ARHGEF2: variants seen among roughly 807,000 people sequenced by gnomAD.
The protein encoded by ARHGEF2 is Rho/Rac guanine nucleotide exchange factor 2.
ARHGEF2 carries 22 observed loss-of-function variants against 121.0 expected under a neutral mutation model. The ratio of observed to expected loss-of-function variants is 0.18; its 90% confidence interval spans 0.13 to 0.26. ARHGEF2 has a LOEUF of 0.26. ARHGEF2 is among the 10% of genes least tolerant of loss of function. ARHGEF2 has a pLI of 1.00. For missense variants in ARHGEF2, 907 were observed against 1,336.0 expected (o/e 0.68, Z 5.01); for synonymous variants, 487 against 530.0 (o/e 0.92, Z 1.11).
chr1:155,956,887 C>CAAAA (rs34831517), intron 13 of ARHGEF2, among the ~76,000 whole-genome samples: 8 of 80,372 alleles, frequency 1.0e-4, no homozygotes, highest in African/African-American at 1.5e-4. Flanking sequence ...ACTCTGTCTC[C>CAAAA]AAAAAAAAAA....
upstream of ARHGEF2, chr1:155,978,913 C>G (rs1052376707): frequency 1.0e-6 from 1 of 986,030 alleles, no homozygotes; most frequent in Non-Finnish European, 1.2e-6. This position sits in a 1 kb window ranked among gnomAD's most constrained non-coding sequence, Gnocchi z 4.1. Flanking sequence ...ACTGCGTTAC[C>G]TCAGTCTTTA....
rs201512774 is a variant in ARHGEF2, at chr1:155,949,742, C to T, written c.2887+557G>A. On this transcript the variant is annotated intron_variant, in intron 21 of 21. Coordinates refer to ENST00000361247, the MANE Select transcript of ARHGEF2 (RefSeq NM_001162383.2). Reference sequence around the variant, plus strand: ...AAATACAAAAATTAGCTGGGCGTGGCGGTGGGCGCCTGTAATCCTAGCTAC... The same window carrying T: ...AAATACAAAAATTAGCTGGGCGTGGTGGTGGGCGCCTGTAATCCTAGCTAC... 6.6e-5 allele frequency among the ~76,000 whole-genome samples: 10 copies of T among 150,562 alleles called. 2 individuals carry two copies. In the East Asian group the frequency reaches 1.4e-3, roughly 21 times the overall value.
At position 155,972,794 on chromosome 1, in the gene ARHGEF2, C is replaced by T. The variant is rs534346773; in HGVS notation, c.64-3494G>A. ...ATGGCTCACCGCAGCCTTGACCTCCCGGGCTCAAGTGATCCTTCCACCTCA... is the reference window on the plus strand; with the variant it reads ...ATGGCTCACCGCAGCCTTGACCTCCTGGGCTCAAGTGATCCTTCCACCTCA... On this transcript the variant is annotated intron_variant, in intron 1 of 21. Transcript: ENST00000361247. Among the ~76,000 whole-genome samples the T allele has an allele frequency of 5.3e-5, 8 of 151,944 alleles. No individual in the cohort carries two copies. The East Asian group carries it at 5.8e-4, about 11-fold the overall frequency.
chr1:155,978,505 T>A lies in ARHGEF2; in HGVS notation c.-78A>T. 1 of 1,330,902 alleles carries A rather than the reference T, an allele frequency of 7.5e-7. No homozygotes were observed. The highest frequency in any genetic ancestry group is 9.7e-7 in the Non-Finnish European group (1 of 1,026,608). The allele number at this position is 1,330,902 out of a possible 1,614,324, so 82.4% of individuals were successfully genotyped here. A position where few individuals can be genotyped will look rare whatever the true frequency, so the allele number is the denominator to read the frequency against. ...TGTTGGGGGAAGGCGGGGGGAGGGG[T>A]TCGGCCCGCACGCGTTGGTCTCGGG... On this transcript the variant is annotated 5_prime_UTR_variant, in exon 1 of 22. Coordinates refer to ENST00000361247, the MANE Select transcript of ARHGEF2 (RefSeq NM_001162383.2). The surrounding 1 kb of genome is among the most constrained non-coding windows in gnomAD (Gnocchi z 4.1).
In ARHGEF2 at chr1:155,978,531, G is replaced by T; in HGVS notation, c.-104C>A. ...TCGGCCCGCACGCGTTGGTCTCGGG[G>T]ACAGGAAGTCTGACTCCCCTCGCCC... On this transcript the variant is annotated 5_prime_UTR_variant, in exon 1 of 22. Transcript: ENST00000361247. This position sits in a 1 kb window ranked among gnomAD's most constrained non-coding sequence, Gnocchi z 4.1. 1.6e-6 allele frequency: 2 copies of T among 1,286,316 alleles called. No individual in the cohort carries two copies. Among genetic ancestry groups the T allele is most frequent in the South Asian group, 4.7e-5 (2 of 42,544 alleles). 79.7% of individuals were successfully genotyped at this position (1,286,316 alleles called of 1,614,324 possible).
Position 155,956,366 on chromosome 1 carries a change from C to T in ARHGEF2, c.1715+1347G>A, listed in dbSNP as rs150489308. On this transcript the variant is annotated intron_variant, in intron 13 of 21. Transcript: ENST00000361247. ...TACCCGCCTCAGCCTCTCAAAGTGCCGGGATTACAGGCGTGAGCCACTGTG... is the reference window on the plus strand; with the variant it reads ...TACCCGCCTCAGCCTCTCAAAGTGCTGGGATTACAGGCGTGAGCCACTGTG... 8.8e-4 allele frequency among the ~76,000 whole-genome samples: 133 copies of T among 151,424 alleles called. No individual in the cohort carries two copies. The East Asian group carries it at 0.017, about 20-fold the overall frequency.
In ARHGEF2 at chr1:155,950,492, G is replaced by A. The variant is rs1675187392; in HGVS notation, c.2704-10C>T. Reference sequence around the variant, plus strand: ...CAGTGCCTCGGCTGGGCTGTGGACAGTGGGCAGGAAGAACAGCAGGTCAGG... The same window carrying A: ...CAGTGCCTCGGCTGGGCTGTGGACAATGGGCAGGAAGAACAGCAGGTCAGG... On this transcript the variant is annotated splice_polypyrimidine_tract_variant and intron_variant, in intron 20 of 21. Transcript: ENST00000361247. This position sits in a 1 kb window ranked among gnomAD's most constrained non-coding sequence, Gnocchi z 5.2. 1.2e-6 allele frequency: 2 copies of A among 1,612,972 alleles called. No homozygotes were observed. Among genetic ancestry groups the A allele is most frequent in the South Asian group, 1.1e-5 (1 of 91,076 alleles).
Position 155,951,711 on chromosome 1 carries a change from A to T in ARHGEF2, c.2208+30T>A. ...CTCAGACTAAGAACATCCTCCCTTC[A>T]GTCTCCTATACCATCAATTCCCATC... is the stretch of plus-strand genomic sequence containing the variant. On this transcript the variant is annotated intron_variant, in intron 18 of 21. Transcript: ENST00000361247. This position sits in a 1 kb window ranked among gnomAD's most constrained non-coding sequence, Gnocchi z 5.1. 1.2e-6 allele frequency: 2 copies of T among 1,614,090 alleles called. No homozygotes were observed. Among genetic ancestry groups the T allele is most frequent in the Non-Finnish European group, 8.5e-7 (1 of 1,179,980 alleles).
rs1288288715 is a variant in ARHGEF2 at position 155,965,749 on chromosome 1, C to T, written c.352G>A (p.Glu118Lys). The change falls in exon 5 of 22, where the codon GAG (glutamate) becomes AAG (lysine). Residue 118 changes from glutamate to lysine, a missense_variant. By Grantham distance (56) the Glu-to-Lys change is moderately conservative. This residue lies in a region of ARHGEF2 where 475 missense variants were observed against 776.5 expected (regional missense o/e 0.61). Transcript: ENST00000361247. This position sits in a 1 kb window ranked among gnomAD's most constrained non-coding sequence, Gnocchi z 6.0. ...GGGTAGATGGCCGAGCTTGGCCGCT[C>T]CCGGATGGTTGCTGTGGGGGAGAGA... is the stretch of plus-strand genomic sequence containing the variant. ...VSLRSKTTIR[E>K]RPSSAIYPSD... The T allele has an allele frequency of 1.3e-6, 2 of 1,596,698 alleles. No individual in the cohort carries two copies. Among genetic ancestry groups the T allele is most frequent in the Non-Finnish European group, 1.7e-6 (2 of 1,175,910 alleles).
chr1:155,962,731 C>A lies in ARHGEF2; in HGVS notation c.976-13G>T. ...TAGGACCTGAGAACTAGAAGTTGGT[C>A]GAGTAAGGTTAGGTCAGCATTCCCC... On this transcript the variant is annotated splice_polypyrimidine_tract_variant and intron_variant, in intron 8 of 21. Transcript: ENST00000361247. This position sits in a 1 kb window ranked among gnomAD's most constrained non-coding sequence, Gnocchi z 5.8. The A allele has an allele frequency of 6.2e-7, 1 of 1,613,912 alleles. No individual in the cohort carries two copies. Among genetic ancestry groups the A allele is most frequent in the South Asian group, 1.1e-5 (1 of 91,004 alleles).
Position 155,962,826 on chromosome 1 carries a change from A to G in ARHGEF2, c.975+107T>C. 1 of 1,595,706 alleles carries G rather than the reference A, an allele frequency of 6.3e-7. No individual in the cohort carries two copies. The highest frequency in any genetic ancestry group is 8.6e-7 in the Non-Finnish European group (1 of 1,169,334). ...AAACAGGCTGGCTTCCTGTTTCTCC[A>G]GCTCTCCCTGGCTCCCCTCCAACCC... is the stretch of plus-strand genomic sequence containing the variant. On this transcript the variant is annotated intron_variant, in intron 8 of 21. Coordinates refer to ENST00000361247, the MANE Select transcript of ARHGEF2 (RefSeq NM_001162383.2). The surrounding 1 kb of genome is among the most constrained non-coding windows in gnomAD (Gnocchi z 5.8).
chr1:155,949,068 T>C lies in ARHGEF2; in HGVS notation c.2888-1053A>G, dbSNP rs551254155. Among the ~76,000 whole-genome samples the C allele has an allele frequency of 9.3e-5, 14 of 151,350 alleles. No homozygotes were observed. In the East Asian group the frequency reaches 1.2e-3, roughly 13 times the overall value. ...TTCGAGACCAGCCTGGCCAACATGG[T>C]GAAACCCCATCTCTACTAAAAAATA... On this transcript the variant is annotated intron_variant, in intron 21 of 21. Transcript: ENST00000361247.
Position 155,951,212 on chromosome 1 carries a change from G to A in ARHGEF2, c.2320C>T (p.Arg774Trp), listed in dbSNP as rs751964315. ...GAGTTGGCTCGGCACAGCTTCTCCC[G>A]CCGCTCAGGGCCCTCAGGGAACCGG... ...EARFPEGPER[R>W]EKLCRANSRD... Residue 774 changes from arginine (R) to tryptophan (W), a missense_variant, in exon 20 of 22, where the codon CGG becomes TGG. Physicochemically the swap from Arg to Trp is moderately radical, Grantham distance 101 (BLOSUM62 -3). Transcript: ENST00000361247. This position sits in a 1 kb window ranked among gnomAD's most constrained non-coding sequence, Gnocchi z 5.1. The A allele has an allele frequency of 1.4e-5, 23 of 1,610,912 alleles. No individual in the cohort carries two copies. The highest frequency in any genetic ancestry group is 1.3e-4 in the South Asian group (12 of 90,770).
upstream of ARHGEF2, chr1:155,978,698 C>CGAGGGTCCTAGGACAGGTTT: frequency 1.1e-6 from 1 of 927,670 alleles, no homozygotes; most frequent in African/African-American, 1.7e-5. This position sits in a 1 kb window ranked among gnomAD's most constrained non-coding sequence, Gnocchi z 4.1. Context: ...CGGAGAGGTA[C>CGAGGGTCCTAGGACAGGTTT]GAGGGTCCTA....
In ARHGEF2 at chr1:155,962,634, C is replaced by G; in HGVS notation, c.1060G>C (p.Glu354Gln). ...RHSKALKLYK[E>Q]LYARDKRFQQ... Reference sequence around the variant, plus strand: ...AAGCGTTTGTCTCGGGCGTACAGCTCCTTATAGAGCTTTAAGGCCTTGCTG... The same window carrying G: ...AAGCGTTTGTCTCGGGCGTACAGCTGCTTATAGAGCTTTAAGGCCTTGCTG... The change falls in exon 9 of 22, where the codon GAG becomes CAG. Residue 354 changes from glutamate to glutamine, a missense_variant. Physicochemically the swap from Glu to Gln is conservative, Grantham distance 29. Coordinates refer to ENST00000361247, the MANE Select transcript of ARHGEF2 (RefSeq NM_001162383.2). This position sits in a 1 kb window ranked among gnomAD's most constrained non-coding sequence, Gnocchi z 5.8. 6.2e-7 allele frequency: 1 copy of G among 1,614,138 alleles called. No homozygotes were observed. Among genetic ancestry groups the G allele is most frequent in the Non-Finnish European group, 8.5e-7 (1 of 1,180,034 alleles).
In ARHGEF2 at chr1:155,950,547, G is replaced by A. The variant is rs144029049; in HGVS notation, c.2704-65C>T. On this transcript the variant is annotated intron_variant, in intron 20 of 21. Transcript: ENST00000361247. The surrounding 1 kb of genome is among the most constrained non-coding windows in gnomAD (Gnocchi z 5.2). ...GAGTAGTGTGAAGATTGGAGGTTCT[G>A]CTTGGCTGAAGGCAGCAGCTCTCCC... is the stretch of plus-strand genomic sequence containing the variant. 2,289 of 1,547,438 alleles carry A rather than the reference G, an allele frequency of 1.5e-3. 4 individuals are homozygous for A. The highest frequency in any genetic ancestry group is 4.4e-3 in the Admixed American group (263 of 59,314).
chr1:155,962,060 AG>A lies in ARHGEF2; in HGVS notation c.1219+44del, dbSNP rs1227913922. 6.2e-7 allele frequency: 1 copy of A among 1,610,446 alleles called. No homozygotes were observed. Among genetic ancestry groups the A allele is most frequent in the African/African-American group, 1.3e-5 (1 of 74,810 alleles). On this transcript the variant is annotated intron_variant, in intron 10 of 21. Transcript: ENST00000361247. This position sits in a 1 kb window ranked among gnomAD's most constrained non-coding sequence, Gnocchi z 5.8. ...GTCATACCGAGCCTTTCCTCACCCC[AG>A]GTGGCCGTCTCCCAGTGGCCCTCTC...
intron 2 of ARHGEF2, among the ~76,000 whole-genome samples, chr1:155,967,842 A>G (rs781611333): frequency 2.6e-5 from 4 of 151,890 alleles, no homozygotes; most frequent in Non-Finnish European, 5.9e-5. Flanking sequence ...CCATCCAACA[A>G]CACCGGAAAC....
intron 14 of ARHGEF2, among the ~76,000 whole-genome samples, chr1:155,953,746 CAAAAAAAAAAAAA>C (rs926082849): frequency 6.6e-5 from 3 of 45,314 alleles, no homozygotes; most frequent in Non-Finnish European, 1.4e-4. Flanking sequence ...GACCCTGTCT[CAAAAAAAAAAAAA>C]AAAAAAAGAA....
Sources: allele counts gnomAD v4.1 joint callset (sites outside exome capture counted in the v4.1 genomes callset), GRCh38; gene constraint gnomAD v4.1.1; regional missense constraint gnomAD v4.1.1; non-coding constraint Gnocchi (gnomAD v3.1); transcripts MANE v1.5; gene names NCBI Gene and HGNC (gene_info 2026-07-23, HGNC 2026-07-21).